TOGARAM2: variants seen among roughly 807,000 people sequenced by gnomAD.
The protein encoded by TOGARAM2 is TOG array regulator of axonemal microtubules 2.
Under a neutral mutation model 93.3 loss-of-function variants are expected in TOGARAM2, and 85 were observed. That is an observed-to-expected ratio of 0.91 (90% CI 0.76 to 1.09). TOGARAM2 has a LOEUF of 1.09. Ranked by LOEUF, TOGARAM2 falls within the 50% of genes least tolerant of loss-of-function variation. The probability of loss-of-function intolerance (pLI) is 0.00; values close to 1 mark genes in which losing one functional copy is unlikely to be tolerated. For synonymous variants in TOGARAM2, 593 were observed against 552.8 expected (o/e 1.07, Z -1.02); for missense variants, 1,277 against 1,334.5 (o/e 0.96, Z 0.67).
At chr2:29,022,098 C>A in intron 10 of TOGARAM2, 60 bp from the exon 11 acceptor site, 1 of 1,606,352 alleles carries the variant, frequency 6.2e-7, no homozygotes. Flanking sequence ...CAGGAGCGGC[C>A]ACTCGGGCTC....
intron 18 of TOGARAM2, among the ~76,000 whole-genome samples, chr2:29,044,550 CCAGT>C (rs1666625590): frequency 6.6e-6 from 1 of 152,088 alleles, no homozygotes; most frequent in African/African-American, 2.4e-5. Context: ...CCCACCAGGA[CCAGT>C]CAGTCACCCT....
Position 28,999,307 on chromosome 2 carries a change from G to T in TOGARAM2, c.266G>T (p.Gly89Val). The part of the protein sequence containing the change: ...TPSKGWQARN[G>V]HPRNLRALSL... ...TCCAAGGGCTGGCAGGCAAGGAATG[G>T]TCACCCCAGGAACCTCAGGGCCTTG... The change falls in exon 4 of 20, where the codon GGT (glycine) becomes GTT (valine). Residue 89 changes from glycine (G) to valine (V), a missense_variant. By Grantham distance (109) the Gly-to-Val change is moderately radical. Coordinates refer to ENST00000379558, the MANE Select transcript of TOGARAM2 (RefSeq NM_199280.4). 1 of 1,613,896 alleles carries T rather than the reference G, an allele frequency of 6.2e-7. No homozygotes were observed. Among genetic ancestry groups the T allele is most frequent in the South Asian group, 1.1e-5 (1 of 91,036 alleles).
chr2:29,018,091 G>C, intron 10 of TOGARAM2, 135 bp downstream of exon 10: 1 of 1,042,338 alleles, frequency 9.6e-7, no homozygotes, highest in Non-Finnish European at 1.3e-6. Flanking sequence ...GCAGCCTGGG[G>C]TGGTGGTTGC....
At chr2:29,036,441 G>C (rs1307838045) in intron 17 of TOGARAM2, 100 bp from the exon 18 acceptor site, 16 of 1,037,212 alleles carry the variant, frequency 1.5e-5, no homozygotes, top group Non-Finnish European at 2.0e-5. Flanking sequence ...TCTCTGCTGA[G>C]GTCGCTCAGT....
At chr2:28,989,740 G>A (rs926803947) in intron 1 of TOGARAM2, among the ~76,000 whole-genome samples, 1 of 152,182 alleles carries the variant, frequency 6.6e-6, no homozygotes, top group African/African-American at 2.4e-5. Flanking sequence ...GTTTTACTAT[G>A]TTGGCCAGGC....
intron 8 of TOGARAM2, among the ~76,000 whole-genome samples, chr2:29,016,508 G>T (rs769444844): frequency 6.6e-6 from 1 of 152,204 alleles, no homozygotes; most frequent in African/African-American, 2.4e-5. Flanking sequence ...CTTACGAGTT[G>T]TTCTTGCGTC....
In TOGARAM2 at chr2:29,015,705, C is replaced by T. The variant is rs180806973; in HGVS notation, c.1044+1144C>T. 8.6e-4 allele frequency among the ~76,000 whole-genome samples: 131 copies of T among 152,294 alleles called. 3 individuals carry two copies. Among genetic ancestry groups the T allele is most frequent in the African/African-American group, 9.4e-4 (39 of 41,560 alleles). On this transcript the variant is annotated intron_variant, in intron 8 of 19. Transcript: ENST00000379558. The stretch of plus-strand genomic sequence containing the variant: ...TAGTCCTTGTCTACCTTGACCCCAT[C>T]GCAGCTTTTGATACGACTTGTGTCT...
intron 1 of TOGARAM2, among the ~76,000 whole-genome samples, chr2:28,963,862 G>T (rs7585289): frequency 9.2e-5 from 14 of 152,132 alleles, no homozygotes; most frequent in African/African-American, 3.4e-4. Flanking sequence ...ACAAAAATTA[G>T]CTGGGCATGG....
intron 17 of TOGARAM2, among the ~76,000 whole-genome samples, chr2:29,036,257 G>A (rs553436542): frequency 5.9e-5 from 9 of 152,280 alleles, no homozygotes; most frequent in Non-Finnish European, 1.0e-4. Flanking sequence ...TGTGCTCCAT[G>A]GGTTGTTAAG....
intron 13 of TOGARAM2, among the ~76,000 whole-genome samples, chr2:29,025,205 A>G (rs1050758160): frequency 1.3e-5 from 2 of 152,226 alleles, no homozygotes; most frequent in African/African-American, 4.8e-5. Flanking sequence ...CCTGATTGTC[A>G]CTTCACTTCT....
intron 18 of TOGARAM2, 149 bp from the exon 19 acceptor site, chr2:29,045,175 G>T (rs1666667051): frequency 1.6e-6 from 1 of 619,132 alleles, no homozygotes; most frequent in Non-Finnish European, 2.8e-6. Flanking sequence ...TTCACTTTAA[G>T]TGGCCCCTTT....
At chr2:28,990,459 G>T (rs1311790558) in intron 1 of TOGARAM2, among the ~76,000 whole-genome samples, 1 of 152,176 alleles carries the variant, frequency 6.6e-6, no homozygotes, top group Non-Finnish European at 1.5e-5. Context: ...CTCCCCCGAT[G>T]GCCCTCATCC....
At chr2:29,022,939 G>T in intron 11 of TOGARAM2, 147 bp from the exon 12 acceptor site, 1 of 649,100 alleles carries the variant, frequency 1.5e-6, no homozygotes, top group Admixed American at 2.9e-5. Flanking sequence ...GTTACCCCGG[G>T]AAACCCTGCT....
intron 7 of TOGARAM2, among the ~76,000 whole-genome samples, chr2:29,014,019 T>C (rs1216463655): frequency 6.6e-6 from 1 of 152,178 alleles, no homozygotes; most frequent in African/African-American, 2.4e-5. Context: ...AAAGGATTGG[T>C]GGGCCCATTT....
intron 18 of TOGARAM2, among the ~76,000 whole-genome samples, chr2:29,042,641 C>T (rs1666504172): frequency 6.6e-6 from 1 of 152,240 alleles, no homozygotes; most frequent in African/African-American, 2.4e-5. Context: ...GCTGCTTAGT[C>T]TGTTGGCTCC....
At chr2:29,036,425 G>A (rs1307609510) in intron 17 of TOGARAM2, 116 bp from the exon 18 acceptor site, 2 of 839,288 alleles carry the variant, frequency 2.4e-6, no homozygotes, top group East Asian at 2.6e-5. Flanking sequence ...AGGGACGCAG[G>A]AGGAGTCTCT....
upstream of TOGARAM2, among the ~76,000 whole-genome samples, chr2:28,978,819 C>T (rs1435142026): frequency 6.6e-6 from 1 of 152,106 alleles, no homozygotes; most frequent in Non-Finnish European, 1.5e-5. Flanking sequence ...TGACTGGGAA[C>T]ACTGGGCACT....
At chr2:29,026,811 C>G (rs769419979) in intron 13 of TOGARAM2, 42 bp from the exon 14 acceptor site, 7 of 1,516,116 alleles carry the variant, frequency 4.6e-6, no homozygotes, top group Non-Finnish European at 6.2e-6. Flanking sequence ...ACTCCCACAC[C>G]ACTATCCTGA....
upstream of TOGARAM2, among the ~76,000 whole-genome samples, chr2:28,978,646 G>A (rs1003714133): frequency 2.0e-5 from 3 of 152,174 alleles, no homozygotes; most frequent in Admixed American, 2.0e-4. Context: ...GCTATCCCCT[G>A]TGGATGTGGA....
Sources: allele counts gnomAD v4.1 joint callset (sites outside exome capture counted in the v4.1 genomes callset), GRCh38; gene constraint gnomAD v4.1.1; transcripts MANE v1.5; gene names NCBI Gene and HGNC (gene_info 2026-07-23, HGNC 2026-07-21).